The following MCMBP variants were observed in gnomAD, a reference collection of about 807,000 sequenced individuals.
MCMBP encodes the protein minichromosome maintenance complex binding protein, also known as mini-chromosome maintenance complex-binding protein.
Under a neutral mutation model 81.3 loss-of-function variants are expected in MCMBP, and 31 were observed. The observed-to-expected ratio is 0.38, with a 90% CI of 0.29 to 0.51. The LOEUF (loss-of-function observed/expected upper bound fraction) is 0.51. Ranked by LOEUF, MCMBP falls within the 20% of genes least tolerant of loss-of-function variation. The pLI, the probability that MCMBP is intolerant of heterozygous loss-of-function variation, is 0.87. For synonymous variants in MCMBP, 267 were observed against 275.9 expected, an observed-to-expected ratio of 0.97 and a Z score of 0.32; for missense variants, 645 against 772.1, an observed-to-expected ratio of 0.84 and a Z score of 1.95.
chr10:119,859,370 T>C (rs1171702104), intron 2 of MCMBP, among the ~76,000 whole-genome samples, 189 bp from the exon 3 acceptor site: 1 of 152,110 alleles, frequency 6.6e-6, no homozygotes, highest in Non-Finnish European at 1.5e-5. Flanking sequence ...CCAAGTTCTC[T>C]TCCATTTCTT....
rs548935223 is a variant in MCMBP at position 119,835,627 on chromosome 10, C to T, written c.1620G>A (p.Ala540=). 10 of 1,614,122 alleles carry T rather than the reference C, an allele frequency of 6.2e-6. No homozygotes were observed. The highest frequency in any genetic ancestry group is 4.5e-5 in the East Asian group (2 of 44,890). ...MEEYMNSLLS[A]VLPSVLNKFR... is the part of the protein sequence containing the mutation. ...ATTTGTTCAGCACGGAAGGCAGCAC[C>T]GCTGAGAGAAGGCTGTTCATGTACT... The change falls in exon 14 of 16, where the codon GCG becomes GCA. Residue 540 remains alanine, a synonymous_variant. Transcript: ENST00000369077.
In MCMBP at chr10:119,836,992, C is replaced by T. The variant is rs886166054; in HGVS notation, c.1446G>A (p.Thr482=). ...TGAAGTCATAATCCACCTTCTGCCACGTTATGAGGTTGCTCAGGGCTGTCA... is the reference window on the plus strand; with the variant it reads ...TGAAGTCATAATCCACCTTCTGCCATGTTATGAGGTTGCTCAGGGCTGTCA... ...HNVTALSNLI[T]WQKVDYDFSY... The change falls in exon 13 of 16, where the codon ACG becomes ACA. Residue 482 remains threonine (T), a synonymous_variant. Coordinates refer to ENST00000369077, the MANE Select transcript of MCMBP (RefSeq NM_001256378.2). 7.4e-6 allele frequency: 12 copies of T among 1,613,518 alleles called. No homozygotes were observed. Among genetic ancestry groups the T allele is most frequent in the African/African-American group, 1.3e-5 (1 of 74,840 alleles).
At chr10:119,873,144 C>G (rs572440283), upstream of MCMBP, among the ~76,000 whole-genome samples, 7 of 152,294 alleles carry the variant, frequency 4.6e-5, no homozygotes, top group South Asian at 1.2e-3. Flanking sequence ...TGCACAACAG[C>G]TGAAAAGCAT....
chr10:119,833,233 A>C (rs75767477), intron 14 of MCMBP, among the ~76,000 whole-genome samples: 2 of 152,238 alleles, frequency 1.3e-5, no homozygotes, highest in African/African-American at 4.8e-5. Flanking sequence ...AGAATTAGTC[A>C]AAAAAGTTAC....
chr10:119,850,089 T>TA (rs1490086191), intron 6 of MCMBP, among the ~76,000 whole-genome samples: 1 of 152,200 alleles, frequency 6.6e-6, no homozygotes, highest in Non-Finnish European at 1.5e-5. Flanking sequence ...ACTCCTGAAG[T>TA]AGTTACACTT....
At chr10:119,857,229 A>G in intron 5 of MCMBP, 109 bp downstream of exon 5, 1 of 755,526 alleles carries the variant, frequency 1.3e-6, no homozygotes, top group East Asian at 2.8e-5. Context: ...AATTAGAACA[A>G]ATGAAACACA....
intron 1 of MCMBP, among the ~76,000 whole-genome samples, chr10:119,861,964 A>T (rs111564012): frequency 1.2e-4 from 19 of 152,186 alleles, no homozygotes; most frequent in African/African-American, 3.4e-4. Flanking sequence ...GTTGGTCTGG[A>T]ACTCCTGGGC....
Position 119,835,559 on chromosome 10 carries a change from A to G in MCMBP, c.1688T>C (p.Ile563Thr), listed in dbSNP as rs1852209369. 1 of 1,613,934 alleles carries G rather than the reference A, an allele frequency of 6.2e-7. No homozygotes were observed. Among genetic ancestry groups the G allele is most frequent in the Non-Finnish European group, 8.5e-7 (1 of 1,179,938 alleles). The change falls in exon 14 of 16, where the codon ATA becomes ACA. Residue 563 changes from isoleucine (I) to threonine (T), a missense_variant. Physicochemically the swap from Ile to Thr is moderately conservative, Grantham distance 89 (BLOSUM62 -1). Transcript: ENST00000369077. The stretch of plus-strand genomic sequence containing the variant: ...ACATACCTTGGTTATTTCATCAGAT[A>G]TGCTATATTCCAAGAATCTCAAAAG... ...LTLLRFLEYS[I>T]SDEITKAVED...
rs1853162625 is a variant in MCMBP, at chr10:119,859,297, CACACA to C, written c.145-121_145-117del. On this transcript the variant is annotated intron_variant, in intron 2 of 15. Transcript: ENST00000369077. ...TGTTACACACACACACACACACACACACACACACCCATGCCACATCAGAGAGCCAA... is the reference window on the plus strand; with the variant it reads ...TGTTACACACACACACACACACACACCACCCATGCCACATCAGAGAGCCAA... 9.5e-6 allele frequency: 8 copies of C among 844,368 alleles called. No individual in the cohort carries two copies. In the Admixed American group the frequency reaches 1.7e-4, roughly 18 times the overall value. 52.3% of individuals were successfully genotyped at this position (844,368 alleles called of 1,614,324 possible).
chr10:119,850,288 A>C (rs1427070820), intron 6 of MCMBP, among the ~76,000 whole-genome samples: 1 of 152,240 alleles, frequency 6.6e-6, no homozygotes, highest in East Asian at 1.9e-4. Context: ...AAATTATAAG[A>C]GATGGAGAAG....
chr10:119,868,341 G>C (rs942905007), intron 1 of MCMBP, among the ~76,000 whole-genome samples: 1 of 152,152 alleles, frequency 6.6e-6, no homozygotes, highest in African/African-American at 2.4e-5. Context: ...CATGAGAATG[G>C]CTTGAACCCA....
rs1045602528 is a variant in MCMBP, at chr10:119,866,865, A to G, written c.58+5662T>C. On this transcript the variant is annotated intron_variant, in intron 1 of 15. Coordinates refer to ENST00000369077, the MANE Select transcript of MCMBP (RefSeq NM_001256378.2). ...GTAGTCCCAACTACTCGGGAGGCTGAGGCAGTAGAACTGCTTGAACCTGGG... is the reference window on the plus strand; with the variant it reads ...GTAGTCCCAACTACTCGGGAGGCTGGGGCAGTAGAACTGCTTGAACCTGGG... 2.6e-5 allele frequency among the ~76,000 whole-genome samples: 4 copies of G among 152,274 alleles called. No homozygotes were observed. In the East Asian group the frequency reaches 7.7e-4, roughly 29 times the overall value.
At chr10:119,873,421 G>A (rs1290989259), upstream of MCMBP, 1 of 152,104 alleles carries the variant, frequency 6.6e-6, no homozygotes, top group Non-Finnish European at 1.5e-5. Context: ...GCTCAGGGAC[G>A]GTTCCTTACC....
intron 1 of MCMBP, among the ~76,000 whole-genome samples, chr10:119,868,358 G>A (rs1439893354): frequency 3.9e-5 from 6 of 152,124 alleles, no homozygotes; most frequent in Admixed American, 1.3e-4. Flanking sequence ...CCCAGAAGGC[G>A]GAGGTTGCAG....
intron 14 of MCMBP, among the ~76,000 whole-genome samples, chr10:119,832,711 C>CA (rs1423638665): frequency 4.6e-5 from 7 of 152,140 alleles, no homozygotes; most frequent in African/African-American, 1.7e-4. Flanking sequence ...GACCCATTTG[C>CA]AAGGTTGTCT....
At chr10:119,857,097 CAAAAA>C (rs34331152) in intron 5 of MCMBP, among the ~76,000 whole-genome samples, 1 of 82,486 alleles carries the variant, frequency 1.2e-5, no homozygotes. Flanking sequence ...GTCCCTATCT[CAAAAA>C]AAAAAAAAAA....
intron 3 of MCMBP, 32 bp from the exon 4 acceptor site, chr10:119,858,957 T>G: frequency 6.2e-7 from 1 of 1,608,060 alleles, no homozygotes; most frequent in South Asian, 1.1e-5. Flanking sequence ...AACAGAATTA[T>G]ATCAATATAT....
intron 5 of MCMBP, among the ~76,000 whole-genome samples, chr10:119,854,692 T>G (rs1852962519): frequency 6.6e-6 from 1 of 151,696 alleles, no homozygotes; most frequent in African/African-American, 2.4e-5. Context: ...CATAGTGGCT[T>G]ATGCCTGTAA....
chr10:119,830,858 A>G lies in MCMBP; in HGVS notation c.*616T>C, dbSNP rs562766680. 6.5e-6 allele frequency: 1 copy of G among 152,794 alleles called. No individual in the cohort carries two copies. Among genetic ancestry groups the G allele is most frequent in the South Asian group, 2.1e-4 (1 of 4,832 alleles). 9.5% of individuals were successfully genotyped at this position (152,794 alleles called of 1,614,324 possible). Reference sequence around the variant, plus strand: ...TATTACTACCGGTCCATAAAATACAAAAGTCTGGGAACCACTGCCATGTAC... The same window carrying G: ...TATTACTACCGGTCCATAAAATACAGAAGTCTGGGAACCACTGCCATGTAC... On this transcript the variant is annotated 3_prime_UTR_variant, in exon 16 of 16. Transcript: ENST00000369077.
Sources: gnomAD v4.1 joint callset for allele counts (sites outside exome capture counted in the v4.1 genomes callset) on GRCh38, gnomAD v4.1.1 for gene constraint, MANE v1.5 for transcripts, NCBI Gene and HGNC (gene_info 2026-07-23, HGNC 2026-07-21) for gene names.